ABI3BP: variants seen among roughly 807,000 people sequenced by gnomAD.
ABI3BP encodes target of Nesh-SH3.
ABI3BP carries 216 observed loss-of-function variants against 268.6 expected under a neutral mutation model. The observed-to-expected ratio is 0.80, with a 90% CI of 0.72 to 0.90. The LOEUF is 0.90. ABI3BP is among the 40% of genes least tolerant of loss of function. The pLI, the probability that ABI3BP is intolerant of heterozygous loss-of-function variation, is 0.00. For synonymous variants in ABI3BP, 730 were observed against 730.0 expected (o/e 1.00, Z 0.00); for missense variants, 2,090 against 2,182.4 (o/e 0.96, Z 0.84).
At chr3:100,984,164 C>A in intron 1 of ABI3BP, among the ~76,000 whole-genome samples, 1 of 151,934 alleles carries the variant, frequency 6.6e-6, no homozygotes, top group East Asian at 1.9e-4. Context: ...AAAAATCCCA[C>A]CCTAGACCAA....
At chr3:100,940,234 A>T (rs2068321169) in intron 1 of ABI3BP, among the ~76,000 whole-genome samples, 1 of 152,108 alleles carries the variant, frequency 6.6e-6, no homozygotes, top group Admixed American at 6.6e-5. Flanking sequence ...AGGCATAGGA[A>T]ATCACAAGGG....
At position 100,940,829 on chromosome 3, in the gene ABI3BP, T is replaced by TATATATATATATATATATATATATATAG. The variant is rs1244113888; in HGVS notation, c.80-14349_80-14348insCTATATATATATATATATATATATATAT. Among the ~76,000 whole-genome samples, 8 of 41,256 alleles carry TATATATATATATATATATATATATATAG rather than the reference T, an allele frequency of 1.9e-4. 4 individuals are homozygous for TATATATATATATATATATATATATATAG. The highest frequency in any genetic ancestry group is 2.1e-3 in the South Asian group (2 of 942). 27.1% of individuals were successfully genotyped at this position (41,256 alleles called of 152,430 possible). A position where few individuals can be genotyped will look rare whatever the true frequency, so the allele number is the denominator to read the frequency against. ...ATATATATATATATATATATATATA[T>TATATATATATATATATATATATATATAG]ATGATATGATGAGTCAGGAATTTAA... On this transcript the variant is annotated intron_variant, in intron 1 of 67. Coordinates refer to ENST00000471714, the MANE Select transcript of ABI3BP (RefSeq NM_001375547.2).
At chr3:100,915,405 G>A (rs764929339) in intron 2 of ABI3BP, among the ~76,000 whole-genome samples, 1 of 152,210 alleles carries the variant, frequency 6.6e-6, no homozygotes, top group African/African-American at 2.4e-5. Context: ...CAGACACTGC[G>A]AGGACTGCTG....
At chr3:100,897,411 C>A (rs1489411834) in intron 4 of ABI3BP, among the ~76,000 whole-genome samples, 2 of 150,280 alleles carry the variant, frequency 1.3e-5, no homozygotes, top group African/African-American at 4.9e-5. Context: ...TAAAAAAAAA[C>A]AACATAATTC....
At position 100,862,691 on chromosome 3, in the gene ABI3BP, T is replaced by A. The variant is rs189130624; in HGVS notation, c.1210+147A>T. On this transcript the variant is annotated intron_variant, in intron 13 of 67. Transcript: ENST00000471714. ...CGAATTTGCAGAAAATCCAAATAGA[T>A]TTATTAAAAAAAAATCAAATCAACC... The A allele has an allele frequency of 7.0e-4, 443 of 631,890 alleles. 2 individuals carry two copies. The highest frequency in any genetic ancestry group is 2.1e-3 in the Admixed American group (62 of 30,002). The allele number at this position is 631,890 out of a possible 1,614,324, so 39.1% of individuals were successfully genotyped here.
At chr3:100,793,732 A>G (rs2152118028) in intron 54 of ABI3BP, among the ~76,000 whole-genome samples, 1 of 152,124 alleles carries the variant, frequency 6.6e-6, no homozygotes, top group South Asian at 2.1e-4. Flanking sequence ...GATACCCACA[A>G]AGGATGGATT....
intron 37 of ABI3BP, among the ~76,000 whole-genome samples, chr3:100,823,161 T>C (rs1327643070): frequency 6.6e-6 from 1 of 152,202 alleles, no homozygotes; most frequent in Non-Finnish European, 1.5e-5. Flanking sequence ...TAGCCTTATC[T>C]GTCCAGGAAG....
intron 1 of ABI3BP, among the ~76,000 whole-genome samples, chr3:100,990,334 A>G (rs1035854651): frequency 1.3e-5 from 2 of 152,152 alleles, no homozygotes; most frequent in African/African-American, 4.8e-5. Flanking sequence ...GATAGTTATC[A>G]TTAGTCCCAT....
chr3:100,862,734 T>G, intron 13 of ABI3BP, 104 bp downstream of exon 13: 1 of 751,780 alleles, frequency 1.3e-6, no homozygotes, highest in Non-Finnish European at 2.1e-6. Flanking sequence ...TGCCTAACTA[T>G]CAGTTCATGA....
chr3:100,846,083 A>G (rs1003949251), intron 20 of ABI3BP, among the ~76,000 whole-genome samples: 1 of 152,138 alleles, frequency 6.6e-6, no homozygotes, highest in Admixed American at 6.5e-5. Flanking sequence ...AATTCCAGTC[A>G]ACACTGGTAT....
chr3:100,837,616 G>A (rs1388507127), intron 26 of ABI3BP, among the ~76,000 whole-genome samples: 1 of 152,098 alleles, frequency 6.6e-6, no homozygotes, highest in Non-Finnish European at 1.5e-5. Flanking sequence ...AATTAGCCTG[G>A]TGTGGTGGTG....
chr3:100,752,270 T>C (rs2095375188), intron 66 of ABI3BP, among the ~76,000 whole-genome samples: 1 of 152,324 alleles, frequency 6.6e-6, no homozygotes, highest in Admixed American at 6.5e-5. Flanking sequence ...TTTATGCTGC[T>C]TTGTGTTCAG....
At chr3:100,831,861 G>T (rs1006981892) in intron 31 of ABI3BP, among the ~76,000 whole-genome samples, 2 of 152,140 alleles carry the variant, frequency 1.3e-5, no homozygotes, top group African/African-American at 4.8e-5. Flanking sequence ...GTTTCTAACT[G>T]GTTATGCAGG....
intron 36 of ABI3BP, among the ~76,000 whole-genome samples, chr3:100,824,452 A>C (rs554137306): frequency 8.5e-5 from 13 of 152,314 alleles, no homozygotes; most frequent in African/African-American, 3.1e-4. Flanking sequence ...CGCTTTCTGC[A>C]GTAAAATAAC....
intron 54 of ABI3BP, among the ~76,000 whole-genome samples, chr3:100,794,348 G>A (rs2097279507): frequency 6.6e-6 from 1 of 151,808 alleles, no homozygotes; most frequent in Non-Finnish European, 1.5e-5. Flanking sequence ...CTGTAAAATG[G>A]AACAAGTAAT....
At chr3:100,986,460 A>G (rs1340128642) in intron 1 of ABI3BP, among the ~76,000 whole-genome samples, 1 of 152,168 alleles carries the variant, frequency 6.6e-6, no homozygotes, top group Non-Finnish European at 1.5e-5. Context: ...TAAGAAAAAG[A>G]TAACTAACAT....
At position 100,918,330 on chromosome 3, in the gene ABI3BP, G is replaced by GTCCACCCA. The variant is rs1347730330; in HGVS notation, c.259+7964_259+7971dup. Among the ~76,000 whole-genome samples, 14 of 148,242 alleles carry GTCCACCCA rather than the reference G, an allele frequency of 9.4e-5. No homozygotes were observed. In the South Asian group the frequency reaches 2.5e-3, roughly 26 times the overall value. Reference sequence around the variant, plus strand: ...CATCCACCCGTCCACCTGTCCACCCGTCCACCCATCCACCCGTCCACTCAT... The same window carrying GTCCACCCA: ...CATCCACCCGTCCACCTGTCCACCCGTCCACCCATCCACCCATCCACCCGTCCACTCAT... On this transcript the variant is annotated intron_variant, in intron 2 of 67. Coordinates refer to ENST00000471714, the MANE Select transcript of ABI3BP (RefSeq NM_001375547.2).
intron 9 of ABI3BP, among the ~76,000 whole-genome samples, chr3:100,869,915 T>C (rs1033308228): frequency 6.7e-6 from 1 of 149,616 alleles, no homozygotes; most frequent in Non-Finnish European, 1.5e-5. Context: ...GTCTTGACTT[T>C]GGCAAACCCT....
intron 50 of ABI3BP, among the ~76,000 whole-genome samples, chr3:100,805,551 T>C (rs888908993): frequency 4.6e-5 from 7 of 152,082 alleles, no homozygotes; most frequent in African/African-American, 1.7e-4. Flanking sequence ...GTTTACACCC[T>C]TTGAGTCTCA....
Sources: gnomAD v4.1 joint callset for allele counts (sites outside exome capture counted in the v4.1 genomes callset) on GRCh38, gnomAD v4.1.1 for gene constraint, MANE v1.5 for transcripts, NCBI Gene and HGNC (gene_info 2026-07-23, HGNC 2026-07-21) for gene names.